The following ERC2 variants were observed in gnomAD, a reference collection of about 807,000 sequenced individuals.
ERC2 encodes ERC protein 2.
A neutral mutation model predicts 114.8 loss-of-function variants in ERC2; 42 were observed. The ratio of observed to expected loss-of-function variants is 0.37; its 90% CI spans 0.29 to 0.47. The LOEUF is 0.47. ERC2 is among the 20% of genes least tolerant of loss of function. The pLI, the probability that ERC2 is intolerant of heterozygous loss-of-function variation, is 0.99. For synonymous variants in ERC2, 454 were observed against 425.5 expected (o/e 1.07, Z -0.82); for missense variants, 939 against 1,150.7 (o/e 0.82, Z 2.66).
intron 7 of ERC2, among the ~76,000 whole-genome samples, chr3:56,078,639 G>T (rs1434596775): frequency 6.6e-6 from 1 of 152,072 alleles, no homozygotes; most frequent in East Asian, 1.9e-4. Context: ...AGTGCTCCTG[G>T]CAGTAGGGGG....
intron 15 of ERC2, among the ~76,000 whole-genome samples, chr3:55,704,792 T>C (rs1210334604): frequency 1.3e-5 from 2 of 152,218 alleles, no homozygotes; most frequent in African/African-American, 4.8e-5. Context: ...GAATAAATGA[T>C]GTAAAGGCTT....
chr3:55,815,869 C>T (rs2059888209), intron 14 of ERC2, among the ~76,000 whole-genome samples: 1 of 152,152 alleles, frequency 6.6e-6, no homozygotes, highest in Non-Finnish European at 1.5e-5. Flanking sequence ...AAAATGCCTT[C>T]GTGAGTAAGC....
chr3:56,133,339 A>G (rs1481885545), intron 6 of ERC2, among the ~76,000 whole-genome samples: 1 of 152,202 alleles, frequency 6.6e-6, no homozygotes, highest in African/African-American at 2.4e-5. Flanking sequence ...TGGGAGGCTG[A>G]GGCAGGAGAA....
intron 17 of ERC2, among the ~76,000 whole-genome samples, chr3:55,593,079 TGTG>T (rs1559710064): frequency 6.6e-6 from 1 of 152,252 alleles, no homozygotes; most frequent in Non-Finnish European, 1.5e-5. Flanking sequence ...CATGTTGTGC[TGTG>T]AGAGCACAAT....
chr3:56,399,094 C>T (rs2060424884), intron 2 of ERC2, among the ~76,000 whole-genome samples: 1 of 152,192 alleles, frequency 6.6e-6, no homozygotes, highest in African/African-American at 2.4e-5. Context: ...CCCAGGCAAA[C>T]AAAATACCTT....
At chr3:56,212,912 G>A (rs1263137259) in intron 3 of ERC2, among the ~76,000 whole-genome samples, 1 of 152,178 alleles carries the variant, frequency 6.6e-6, no homozygotes, top group Non-Finnish European at 1.5e-5. Context: ...ATTATTCTAA[G>A]TGAAGCAACT....
At chr3:55,861,771 T>G (rs2062038427) in intron 14 of ERC2, among the ~76,000 whole-genome samples, 1 of 152,230 alleles carries the variant, frequency 6.6e-6, no homozygotes, top group Non-Finnish European at 1.5e-5. Context: ...GGTTGGCATC[T>G]CAGCCCTCCC....
intron 3 of ERC2, among the ~76,000 whole-genome samples, chr3:56,208,478 T>C (rs2048869337): frequency 6.6e-6 from 1 of 152,226 alleles, no homozygotes; most frequent in African/African-American, 2.4e-5. Context: ...TGTCTCAAAT[T>C]GTAGTTTTAA....
At chr3:56,229,580 A>G (rs1331852427) in intron 3 of ERC2, among the ~76,000 whole-genome samples, 1 of 152,210 alleles carries the variant, frequency 6.6e-6, no homozygotes, top group East Asian at 1.9e-4. Context: ...GAATCATTCA[A>G]GAAGAAAAAC....
intron 2 of ERC2, among the ~76,000 whole-genome samples, chr3:56,412,272 A>T (rs2060970448): frequency 6.6e-6 from 1 of 152,248 alleles, no homozygotes; most frequent in Admixed American, 6.5e-5. Context: ...GAAGGAACCA[A>T]CCATGCCAAC....
At chr3:56,264,049 A>T (rs1311135666) in intron 3 of ERC2, among the ~76,000 whole-genome samples, 1 of 152,200 alleles carries the variant, frequency 6.6e-6, no homozygotes, top group Non-Finnish European at 1.5e-5. Context: ...GAGGGCTAAA[A>T]ACCATATGAT....
At chr3:55,848,169 A>C (rs1444955173) in intron 14 of ERC2, among the ~76,000 whole-genome samples, 1 of 152,202 alleles carries the variant, frequency 6.6e-6, no homozygotes, top group Non-Finnish European at 1.5e-5. Flanking sequence ...AAAAAACTTC[A>C]GACTCCCTAG....
intron 1 of ERC2, among the ~76,000 whole-genome samples, chr3:56,448,258 G>T (rs983778290): frequency 1.3e-5 from 2 of 152,118 alleles, no homozygotes; most frequent in African/African-American, 4.8e-5. Context: ...CTGCAACCCA[G>T]GTTTTTACAT....
intron 17 of ERC2, among the ~76,000 whole-genome samples, chr3:55,554,783 T>G (rs2055481396): frequency 6.6e-6 from 1 of 151,860 alleles, no homozygotes; most frequent in Non-Finnish European, 1.5e-5. Flanking sequence ...GAGTTAGGGC[T>G]CAGCCTAGGG....
chr3:55,959,498 C>G (rs2068211714), intron 12 of ERC2, among the ~76,000 whole-genome samples: 1 of 152,154 alleles, frequency 6.6e-6, no homozygotes, highest in South Asian at 2.1e-4. Flanking sequence ...GGCATGAGCC[C>G]ACAGGAAACT....
In ERC2 at chr3:56,434,901, C is replaced by A; in HGVS notation, c.107G>T (p.Gly36Val). 6.2e-7 allele frequency: 1 copy of A among 1,613,818 alleles called. No homozygotes were observed. Among genetic ancestry groups the A allele is most frequent in the Non-Finnish European group, 8.5e-7 (1 of 1,179,846 alleles). Residue 36 changes from glycine (G) to valine (V), a missense_variant, in exon 2 of 18, where the codon GGA becomes GTA. This residue lies in a region of ERC2 where 281 missense variants were observed against 307.4 expected (regional missense o/e 0.91). Transcript: ENST00000288221. ...CAGAGTCTTGCCTGTTCCTCCACCT[C>A]CCCCACTACTTGTTCTTCGGTGGCC... ...RLGHRRTSSG[G>V]GGGTGKTLSM... is the part of the protein sequence containing the mutation.
At chr3:55,903,111 C>T (rs570259316) in intron 13 of ERC2, among the ~76,000 whole-genome samples, 1 of 152,184 alleles carries the variant, frequency 6.6e-6, no homozygotes, top group East Asian at 1.9e-4. Context: ...TTTATATTCA[C>T]CTATTAAACT....
intron 14 of ERC2, among the ~76,000 whole-genome samples, chr3:55,770,051 G>C (rs546139737): frequency 6.6e-6 from 1 of 152,336 alleles, no homozygotes; most frequent in East Asian, 1.9e-4. Context: ...TGGGATATAA[G>C]AGAAAGTAAT....
chr3:55,592,222 G>A (rs1342347964), intron 17 of ERC2, among the ~76,000 whole-genome samples: 1 of 152,190 alleles, frequency 6.6e-6, no homozygotes, highest in East Asian at 1.9e-4. Context: ...GGCTGGGGCC[G>A]CTGTGGGCAT....
Sources: gnomAD v4.1 joint callset for allele counts (sites outside exome capture counted in the v4.1 genomes callset) on GRCh38, gnomAD v4.1.1 for gene constraint, gnomAD v4.1.1 regional missense constraint, MANE v1.5 for transcripts, NCBI Gene and HGNC (gene_info 2026-07-23, HGNC 2026-07-21) for gene names.